SYNJ1: variants seen among roughly 807,000 people sequenced by gnomAD.
SYNJ1 encodes synaptojanin 1.
In SYNJ1, 78 loss-of-function variants were observed where a neutral mutation model predicts 168.2. The ratio of observed to expected loss-of-function variants is 0.46; its 90% CI spans 0.39 to 0.56. The LOEUF is 0.56. Among genes scored for constraint, SYNJ1 ranks in the 20% least tolerant of loss-of-function variants. The pLI is 0.00. For missense variants in SYNJ1, 1,303 were observed against 1,597.6 expected, an observed-to-expected ratio of 0.82 and a Z score of 3.14; for synonymous variants, 539 against 548.6, an observed-to-expected ratio of 0.98 and a Z score of 0.24.
chr21:32,727,706 C>T (rs2043532772), intron 1 of SYNJ1: 5 of 852,474 alleles, frequency 5.9e-6, no homozygotes, highest in Admixed American at 3.5e-5. Context: ...GGATTCGGTT[C>T]GTTCCCGCGG....
chr21:32,685,779 A>G lies in SYNJ1; in HGVS notation c.1087T>C (p.Phe363Leu), dbSNP rs2041818274. 4 of 1,608,936 alleles carry G rather than the reference A, an allele frequency of 2.5e-6. No individual in the cohort carries two copies. In the African/African-American group the frequency reaches 5.4e-5, roughly 22 times the overall value. Reference sequence around the variant, plus strand: ...ACTTCACTTCCATTGAAATAAAAAAATCCATAATCTAGAAACTTCTGGACT... The same window carrying G: ...ACTTCACTTCCATTGAAATAAAAAAGTCCATAATCTAGAAACTTCTGGACT... ...PQVQKFLDYG[F>L]FYFNGSEVQR... is the part of the protein sequence containing the mutation. Residue 363 changes from phenylalanine (F) to leucine (L), a missense_variant, in exon 9 of 33, where the codon TTT becomes CTT. Coordinates refer to ENST00000674351, the MANE Select transcript of SYNJ1 (RefSeq NM_203446.3).
intron 13 of SYNJ1, among the ~76,000 whole-genome samples, chr21:32,675,280 GA>G (rs2041359592): frequency 1.3e-5 from 2 of 151,990 alleles, no homozygotes; most frequent in African/African-American, 2.4e-5. Context: ...CTCACTGTAT[GA>G]ACTAATAAAG....
At chr21:32,634,509 T>C (rs995643419) in intron 32 of SYNJ1, among the ~76,000 whole-genome samples, 1 of 152,224 alleles carries the variant, frequency 6.6e-6, no homozygotes, top group East Asian at 1.9e-4. Flanking sequence ...ATTTTGTGTT[T>C]ATGTAATTAC....
At chr21:32,662,558 A>T (rs2040756014) in intron 18 of SYNJ1, among the ~76,000 whole-genome samples, 1 of 152,188 alleles carries the variant, frequency 6.6e-6, no homozygotes, top group Admixed American at 6.5e-5. Context: ...GGGACTTGTA[A>T]ATGATACAAG....
chr21:32,715,917 A>C (rs2043008333), intron 2 of SYNJ1, among the ~76,000 whole-genome samples: 1 of 152,192 alleles, frequency 6.6e-6, no homozygotes, highest in Non-Finnish European at 1.5e-5. Context: ...ATATCTCTCC[A>C]AATGCCAAAT....
intron 14 of SYNJ1, among the ~76,000 whole-genome samples, chr21:32,670,582 G>A (rs2041147703): frequency 6.6e-6 from 1 of 152,014 alleles, no homozygotes; most frequent in Non-Finnish European, 1.5e-5. Flanking sequence ...TCTTTAAGAC[G>A]GTTATCCTTG....
chr21:32,658,880 G>C (rs1439005824), intron 18 of SYNJ1, among the ~76,000 whole-genome samples: 1 of 152,176 alleles, frequency 6.6e-6, no homozygotes, highest in Non-Finnish European at 1.5e-5. Flanking sequence ...CCACTTGTTT[G>C]ACATTTGATT....
chr21:32,678,766 A>T lies in SYNJ1; in HGVS notation c.1389T>A (p.Ile463=). Residue 463 remains isoleucine, a synonymous_variant, in exon 12 of 33, where the codon ATT becomes ATA. Coordinates refer to ENST00000674351, the MANE Select transcript of SYNJ1 (RefSeq NM_203446.3). ...TGGAGCTGTCAAAGAAGTTATTCTG[A>T]ATTGTTCGGGTAACAGAGCGAGCAC... The part of the protein sequence containing the change: ...KDGARSVTRT[I]QNNFFDSSKQ... 1.9e-6 allele frequency: 3 copies of T among 1,613,220 alleles called. No individual in the cohort carries two copies. Among genetic ancestry groups the T allele is most frequent in the Non-Finnish European group, 2.5e-6 (3 of 1,179,678 alleles).
intron 7 of SYNJ1, 134 bp from the exon 8 acceptor site, chr21:32,687,208 C>A (rs186104011): frequency 6.7e-5 from 34 of 509,564 alleles, no homozygotes; most frequent in South Asian, 1.6e-4. Flanking sequence ...GGTGCGAATT[C>A]ATTGTACATG....
intron 19 of SYNJ1, 65 bp downstream of exon 19, chr21:32,657,651 T>C (rs1569052242): frequency 2.1e-6 from 3 of 1,436,354 alleles, no homozygotes; most frequent in East Asian, 4.8e-5. Flanking sequence ...TTTGATATTA[T>C]GTCATTCCCT....
intron 2 of SYNJ1, among the ~76,000 whole-genome samples, chr21:32,712,880 T>A (rs1025679344): frequency 6.6e-6 from 1 of 152,148 alleles, no homozygotes; most frequent in Non-Finnish European, 1.5e-5. Flanking sequence ...ATAAAAATGT[T>A]TCAGGCGACA....
intron 9 of SYNJ1, among the ~76,000 whole-genome samples, chr21:32,685,392 G>T (rs1355856256): frequency 7.4e-6 from 1 of 134,428 alleles, no homozygotes; most frequent in Non-Finnish European, 1.5e-5. Context: ...TTTGAGCCCA[G>T]CCAGGGCAAT....
intron 6 of SYNJ1, among the ~76,000 whole-genome samples, chr21:32,691,746 T>A (rs953227961): frequency 3.3e-5 from 5 of 152,214 alleles, no homozygotes; most frequent in African/African-American, 4.8e-5. Flanking sequence ...AAGGCCTGAG[T>A]GCCCAAATGG....
At chr21:32,645,982 C>G in intron 24 of SYNJ1, 193 bp from the exon 25 acceptor site, 1 of 905,706 alleles carries the variant, frequency 1.1e-6, no homozygotes, top group South Asian at 1.3e-5. Flanking sequence ...AGCAATAATG[C>G]TACCTCTGTG....
intron 2 of SYNJ1, among the ~76,000 whole-genome samples, chr21:32,707,490 C>T (rs559933784): frequency 1.3e-5 from 2 of 151,976 alleles, no homozygotes; most frequent in African/African-American, 4.8e-5. Context: ...TACGTGCCAC[C>T]ATACCTGGTT....
upstream of SYNJ1, chr21:32,728,169 C>T (rs1212280528): frequency 8.6e-7 from 1 of 1,159,048 alleles, no homozygotes; most frequent in East Asian, 2.9e-5. Context: ...GCCTCAGTCT[C>T]CAGCTACCTT....
chr21:32,660,738 T>C (rs534155464), intron 18 of SYNJ1, among the ~76,000 whole-genome samples: 2 of 152,374 alleles, frequency 1.3e-5, no homozygotes, highest in African/African-American at 4.8e-5. Flanking sequence ...ACATCTACAC[T>C]GACTCTTGAT....
rs1205693223 is a variant in SYNJ1 at position 32,697,402 on chromosome 21, T to C, written c.480-2120A>G. On this transcript the variant is annotated intron_variant, in intron 4 of 32. Transcript: ENST00000674351. ...TAAAATGAGCAAAATTCACCTTTGG[T>C]GCTCTAGCTGTCCCTTTGTTCAACC... Among the ~76,000 whole-genome samples the C allele has an allele frequency of 2.6e-5, 4 of 152,078 alleles. No homozygotes were observed. The East Asian group carries it at 7.7e-4, about 29-fold the overall frequency.
intron 10 of SYNJ1, among the ~76,000 whole-genome samples, chr21:32,682,169 C>T (rs956568787): frequency 3.9e-5 from 6 of 152,042 alleles, no homozygotes; most frequent in African/African-American, 1.4e-4. Context: ...AAATCCACAT[C>T]GGTAATATAT....
Sources: gnomAD v4.1 joint callset for allele counts (sites outside exome capture counted in the v4.1 genomes callset) on GRCh38, gnomAD v4.1.1 for gene constraint, MANE v1.5 for transcripts, NCBI Gene and HGNC (gene_info 2026-07-23, HGNC 2026-07-21) for gene names.